The following ADD2 variants were observed in gnomAD, a reference collection of about 807,000 sequenced individuals.
ADD2 encodes the protein beta-adducin.
In ADD2, 23 loss-of-function variants were observed where a neutral mutation model predicts 83.0. The ratio of observed to expected loss-of-function variants is 0.28; its 90% CI spans 0.20 to 0.39. ADD2 has a LOEUF of 0.39. ADD2 is among the 10% of genes least tolerant of loss of function. The pLI is 1.00. For missense variants in ADD2, 758 were observed against 944.9 expected, an observed-to-expected ratio of 0.80 and a Z score of 2.59; for synonymous variants, 375 against 375.4, an observed-to-expected ratio of 1.00 and a Z score of 0.01.
chr2:70,708,031 C>A (rs1214477882), intron 2 of ADD2, among the ~76,000 whole-genome samples: 1 of 152,202 alleles, frequency 6.6e-6, no homozygotes, highest in East Asian at 1.9e-4. Flanking sequence ...TCCAGTAGAG[C>A]ATATTCTTGT....
intron 1 of ADD2, among the ~76,000 whole-genome samples, chr2:70,725,450 T>C (rs2192968): frequency 0.14 from 20,641 of 152,194 alleles, 1,587 homozygotes; most frequent in Middle Eastern, 0.26. Flanking sequence ...TCCCAGAGCC[T>C]GTGAATGTGA....
chr2:70,755,779 G>A (rs935950466), intron 1 of ADD2, among the ~76,000 whole-genome samples: 2 of 151,892 alleles, frequency 1.3e-5, no homozygotes, highest in Admixed American at 6.6e-5. Context: ...AAATGTTTAC[G>A]GCCGGGCACG....
intron 4 of ADD2, among the ~76,000 whole-genome samples, chr2:70,696,636 C>T (rs1671327878): frequency 6.6e-6 from 1 of 152,176 alleles, no homozygotes; most frequent in Admixed American, 6.5e-5. Context: ...CTCAAGGCCA[C>T]AGAATGAAGG....
chr2:70,759,854 G>A (rs1483849179), intron 1 of ADD2, among the ~76,000 whole-genome samples: 1 of 152,134 alleles, frequency 6.6e-6, no homozygotes, highest in Non-Finnish European at 1.5e-5. Flanking sequence ...TGCCACTCAA[G>A]GTGGCAGTGC....
intron 4 of ADD2, among the ~76,000 whole-genome samples, chr2:70,703,565 C>T (rs1458415872): frequency 1.3e-5 from 2 of 152,154 alleles, no homozygotes; most frequent in African/African-American, 4.8e-5. Context: ...AGAAAATAAT[C>T]ACGGATATAA....
In ADD2 at chr2:70,683,859, C is replaced by A. The variant is rs1670589064; in HGVS notation, c.949-92G>T. On this transcript the variant is annotated intron_variant, in intron 9 of 15. Coordinates refer to ENST00000264436, the MANE Select transcript of ADD2 (RefSeq NM_001617.4). ...TGTATGTGATGAGAGAATGGGGAGTCCAGAGGAGAACTTAGAGGCCAAACT... is the reference window on the plus strand; with the variant it reads ...TGTATGTGATGAGAGAATGGGGAGTACAGAGGAGAACTTAGAGGCCAAACT... 5 of 1,401,368 alleles carry A rather than the reference C, an allele frequency of 3.6e-6. No individual in the cohort carries two copies. The East Asian group carries it at 1.3e-4, about 35-fold the overall frequency. 86.8% of individuals were successfully genotyped at this position (1,401,368 alleles called of 1,614,324 possible). A position where few individuals can be genotyped will look rare whatever the true frequency, so the allele number is the denominator to read the frequency against.
intron 6 of ADD2, among the ~76,000 whole-genome samples, chr2:70,693,887 G>A (rs567803757): frequency 1.3e-5 from 2 of 152,336 alleles, no homozygotes; most frequent in East Asian, 1.9e-4. Context: ...CCCATACGGT[G>A]CCTTTGTACA....
rs560319503 is a variant in ADD2, at chr2:70,663,670, C to T, written c.1936G>A (p.Gly646Arg). 9.9e-6 allele frequency: 16 copies of T among 1,614,046 alleles called. No individual in the cohort carries two copies. The highest frequency in any genetic ancestry group is 6.7e-5 in the Admixed American group (4 of 60,002). The change falls in exon 16 of 16, where the codon GGG becomes AGG. Residue 646 changes from glycine (G) to arginine (R), a missense_variant. By Grantham distance (125) the Gly-to-Arg change is moderately radical. Coordinates refer to ENST00000264436, the MANE Select transcript of ADD2 (RefSeq NM_001617.4). The stretch of plus-strand genomic sequence containing the variant: ...TCCTCCCTCCCGTTGACCACCACCC[C>T]TTCCGGCTGGGTTGTTTCGGGCTCT... Reference protein sequence around the residue: ...TTEPETTQPEGVVVNGREEEQ... With the variant: ...TTEPETTQPERVVVNGREEEQ...
At position 70,660,318 on chromosome 2, in the gene ADD2, T is replaced by A. The variant is rs1553364799; in HGVS notation, c.*3107A>T. 6.6e-6 allele frequency: 1 copy of A among 152,222 alleles called. No individual in the cohort carries two copies. Among genetic ancestry groups the A allele is most frequent in the Non-Finnish European group, 1.5e-5 (1 of 68,040 alleles). The allele number at this position is 152,222 out of a possible 1,614,324, so 9.4% of individuals were successfully genotyped here. On this transcript the variant is annotated 3_prime_UTR_variant, in exon 16 of 16. Transcript: ENST00000264436. The stretch of plus-strand genomic sequence containing the variant: ...TGAAAATCCCTCTTAAGGTGCTTTA[T>A]CCAAAGACTTTTATGGAAATAAATT...
rs527299962 is a variant in ADD2 at position 70,676,353 on chromosome 2, G to A, written c.1593+443C>T. 5 of 1,060,504 alleles carry A rather than the reference G, an allele frequency of 4.7e-6. No individual in the cohort carries two copies. The South Asian group carries it at 1.7e-4, about 36-fold the overall frequency. 65.7% of individuals were successfully genotyped at this position (1,060,504 alleles called of 1,614,324 possible). On this transcript the variant is annotated intron_variant, in intron 13 of 15. Transcript: ENST00000264436. The surrounding 1 kb of genome is among the most constrained non-coding windows in gnomAD (Gnocchi z 4.8). ...TCCTGTCTATATACCCCTTCTCTAT[G>A]GGTACATGATCATCTTTCCAGAGCT...
chr2:70,710,588 G>C (rs1672131246), intron 2 of ADD2, among the ~76,000 whole-genome samples: 1 of 152,218 alleles, frequency 6.6e-6, no homozygotes. Context: ...TGAATCACAG[G>C]CATCCTCTTG....
Position 70,676,148 on chromosome 2 carries a change from T to C in ADD2, c.1593+648A>G, listed in dbSNP as rs1156834190. ...CTAAGGAAAATGTCATGCCCATTGCTACCTTGCAAGGAGCAGCAGTGATTT... is the reference window on the plus strand; with the variant it reads ...CTAAGGAAAATGTCATGCCCATTGCCACCTTGCAAGGAGCAGCAGTGATTT... On this transcript the variant is annotated intron_variant, in intron 13 of 15. Coordinates refer to ENST00000264436, the MANE Select transcript of ADD2 (RefSeq NM_001617.4). This position sits in a 1 kb window ranked among gnomAD's most constrained non-coding sequence, Gnocchi z 4.8. 4 of 985,402 alleles carry C rather than the reference T, an allele frequency of 4.1e-6. No homozygotes were observed. Among genetic ancestry groups the C allele is most frequent in the Non-Finnish European group, 4.8e-6 (4 of 829,980 alleles). 61.0% of individuals were successfully genotyped at this position (985,402 alleles called of 1,614,324 possible).
intron 1 of ADD2, among the ~76,000 whole-genome samples, chr2:70,718,572 A>G (rs1228286179): frequency 6.6e-6 from 1 of 152,228 alleles, no homozygotes; most frequent in Non-Finnish European, 1.5e-5. Flanking sequence ...GGTGCACATA[A>G]TGAGGACCAA....
intron 4 of ADD2, among the ~76,000 whole-genome samples, chr2:70,702,849 G>A (rs945002452): frequency 2.0e-5 from 3 of 152,096 alleles, no homozygotes; most frequent in Admixed American, 1.3e-4. Flanking sequence ...AGTCAGGGGC[G>A]GGCACGGTGG....
intron 13 of ADD2, chr2:70,675,902 C>T (rs968055886): frequency 1.0e-6 from 1 of 985,294 alleles, no homozygotes; most frequent in African/African-American, 1.7e-5. Flanking sequence ...CACCTCCCGC[C>T]AGAACATGGC....
At chr2:70,674,238 AAC>A (rs1466528471) in intron 14 of ADD2, among the ~76,000 whole-genome samples, 4 of 152,216 alleles carry the variant, frequency 2.6e-5, no homozygotes, top group African/African-American at 7.2e-5. Context: ...TTTGGGAGTC[AAC>A]ACAGAGAGAT....
At chr2:70,681,679 T>G (rs1670454299) in intron 10 of ADD2, among the ~76,000 whole-genome samples, 1 of 148,370 alleles carries the variant, frequency 6.7e-6, no homozygotes, top group Non-Finnish European at 1.5e-5. Flanking sequence ...TTTTCAGTTG[T>G]TTTTTTTTTG....
chr2:70,767,809 C>G (rs1490294368), intron 1 of ADD2, 77 bp downstream of exon 1: 21 of 1,521,252 alleles, frequency 1.4e-5, no homozygotes, highest in East Asian at 2.5e-5. Flanking sequence ...CCCGCCCGGC[C>G]GAGGGATGCC....
At chr2:70,722,466 C>G (rs1553377544) in intron 1 of ADD2, among the ~76,000 whole-genome samples, 1 of 152,146 alleles carries the variant, frequency 6.6e-6, no homozygotes, top group Admixed American at 6.5e-5. Flanking sequence ...TTTGGGACTG[C>G]CTTTTACATG....
Sources: gnomAD v4.1 joint callset for allele counts (sites outside exome capture counted in the v4.1 genomes callset) on GRCh38, gnomAD v4.1.1 for gene constraint, Gnocchi (gnomAD v3.1) non-coding constraint, MANE v1.5 for transcripts, NCBI Gene and HGNC (gene_info 2026-07-23, HGNC 2026-07-21) for gene names.